Variants in SLC9A5 observed in about 807,000 individuals in gnomAD.
SLC9A5 encodes the protein solute carrier family 9 member A5.
In SLC9A5, 52 loss-of-function variants were observed where a neutral mutation model predicts 91.7. That is an observed-to-expected ratio of 0.57 (90% confidence interval 0.45 to 0.71). The LOEUF (loss-of-function observed/expected upper bound fraction) is 0.71, where lower values mean the gene tolerates loss of function less well. SLC9A5 is among the 30% of genes least tolerant of loss of function. The pLI is 0.00. For missense variants in SLC9A5, 871 were observed against 1,158.9 expected (o/e 0.75, Z 3.61); for synonymous variants, 419 against 474.5 (o/e 0.88, Z 1.52).
At position 67,248,995 on chromosome 16, in the gene SLC9A5, G is replaced by A; in HGVS notation, c.-20G>A. ...CCGGCGGCCGTGCGGTGCCGGGAGG[G>A]CGGCTGGGCAGGCGGCAGGATGCTG... On this transcript the variant is annotated 5_prime_UTR_variant, in exon 1 of 16. Coordinates refer to ENST00000299798, the MANE Select transcript of SLC9A5 (RefSeq NM_004594.3). The surrounding 1 kb of genome is among the most constrained non-coding windows in gnomAD (Gnocchi z 5.3). 2.4e-6 allele frequency: 3 copies of A among 1,246,210 alleles called. No homozygotes were observed. Among genetic ancestry groups the A allele is most frequent in the Non-Finnish European group, 3.0e-6 (3 of 993,464 alleles). The allele number at this position is 1,246,210 out of a possible 1,614,324, so 77.2% of individuals were successfully genotyped here. A position where few individuals can be genotyped will look rare whatever the true frequency, so the allele number is the denominator to read the frequency against.
intron 1 of SLC9A5, among the ~76,000 whole-genome samples, chr16:67,249,811 C>T (rs1034559672): frequency 6.6e-6 from 1 of 152,210 alleles, no homozygotes; most frequent in Non-Finnish European, 1.5e-5. Context: ...AAGAAACTTC[C>T]GTGTATCGGG....
Position 67,271,020 on chromosome 16 carries a change from A to G in SLC9A5, c.2501A>G (p.Asp834Gly), listed in dbSNP as rs2035901781. ...CAGGTCCCTCTCCACCTACCTTCTG[A>G]TCCACGCTCTAGCTTCGCCTTCCCA... ...EPQVPLHLPS[D>G]PRSSFAFPPS... is the part of the protein sequence containing the mutation. The change falls in exon 16 of 16, where the codon GAT (aspartate) becomes GGT (glycine). Residue 834 changes from aspartate (D) to glycine (G), a missense_variant. By Grantham distance (94) the Asp-to-Gly change is moderately conservative. This residue lies in a region of SLC9A5 where 295 missense variants were observed against 326.0 expected (regional missense o/e 0.90). Coordinates refer to ENST00000299798, the MANE Select transcript of SLC9A5 (RefSeq NM_004594.3). 1.9e-6 allele frequency: 3 copies of G among 1,613,348 alleles called. No individual in the cohort carries two copies. The highest frequency in any genetic ancestry group is 1.3e-5 in the African/African-American group (1 of 74,856).
Position 67,249,107 on chromosome 16 carries a change from C to G in SLC9A5, c.93C>G (p.Pro31=), listed in dbSNP as rs759221391. ...TQKPESPGEP[P]PGLELFRWQW... The stretch of plus-strand genomic sequence containing the variant: ...AGCCAGAGTCCCCGGGCGAGCCTCC[C>G]CCAGGCTTAGAGCTCTTCCGCTGGC... Residue 31 remains proline, a synonymous_variant, in exon 1 of 16, where the codon CCC becomes CCG. Coordinates refer to ENST00000299798, the MANE Select transcript of SLC9A5 (RefSeq NM_004594.3). 1.3e-6 allele frequency: 2 copies of G among 1,547,952 alleles called. No homozygotes were observed. Among genetic ancestry groups the G allele is most frequent in the Non-Finnish European group, 1.7e-6 (2 of 1,153,628 alleles).
chr16:67,270,247 G>C lies in SLC9A5; in HGVS notation c.2219-491G>C, dbSNP rs187950935. 6.6e-6 allele frequency among the ~76,000 whole-genome samples: 1 copy of C among 152,048 alleles called. No homozygotes were observed. The highest frequency in any genetic ancestry group is 1.5e-5 in the Non-Finnish European group (1 of 68,022). ...TTCACCCAGGCTGGAGTGCAGTGGC[G>C]AGATCTCGGCTCATTGCAACCTCTG... is the stretch of plus-strand genomic sequence containing the variant. On this transcript the variant is annotated intron_variant, in intron 15 of 15. Coordinates refer to ENST00000299798, the MANE Select transcript of SLC9A5 (RefSeq NM_004594.3). This position sits in a 1 kb window ranked among gnomAD's most constrained non-coding sequence, Gnocchi z 4.3.
At chr16:67,262,314 A>G in intron 12 of SLC9A5, 2 of 456,478 alleles carry the variant, frequency 4.4e-6, no homozygotes, top group South Asian at 3.1e-5. Context: ...CCAGTTCTGA[A>G]TCCACTTAGT....
chr16:67,271,522 T>G lies in SLC9A5; in HGVS notation c.*312T>G. 2.6e-6 allele frequency: 1 copy of G among 392,044 alleles called. No homozygotes were observed. The highest frequency in any genetic ancestry group is 4.7e-6 in the Non-Finnish European group (1 of 211,932). The allele number at this position is 392,044 out of a possible 1,614,324, so 24.3% of individuals were successfully genotyped here. On this transcript the variant is annotated 3_prime_UTR_variant, in exon 16 of 16. Transcript: ENST00000299798. ...GCTGGTCCCCCTTCCCTAGTGGGTT[T>G]TCCCGGGGACTCTATAGGCAGCTGC...
intron 15 of SLC9A5, 92 bp downstream of exon 15, chr16:67,266,317 C>G: frequency 7.9e-7 from 1 of 1,270,072 alleles, no homozygotes; most frequent in South Asian, 1.7e-5. Flanking sequence ...ACTCCCTTTT[C>G]CTATTCACTA....
At chr16:67,261,971 A>G (rs59759923) in intron 12 of SLC9A5, 5 of 211,214 alleles carry the variant, frequency 2.4e-5, no homozygotes, top group Non-Finnish European at 3.7e-5. Context: ...TGTGGTGTTT[A>G]TGTATAAGAT....
rs2035272696 is a variant in SLC9A5 at position 67,255,347 on chromosome 16, G to A, written c.655-46G>A. 1.3e-6 allele frequency: 2 copies of A among 1,576,932 alleles called. No individual in the cohort carries two copies. The highest frequency in any genetic ancestry group is 4.5e-5 in the East Asian group (2 of 44,372). On this transcript the variant is annotated intron_variant, in intron 3 of 15. Coordinates refer to ENST00000299798, the MANE Select transcript of SLC9A5 (RefSeq NM_004594.3). The surrounding 1 kb of genome is among the most constrained non-coding windows in gnomAD (Gnocchi z 4.9). ...AGCAGTCTGTCTCCCAGCAGTCCCA[G>A]TTGCTGCCTTCCCGCCTCACTGCTG...
At position 67,258,085 on chromosome 16, in the gene SLC9A5, C is replaced by T. The variant is rs1326403503; in HGVS notation, c.1497-233C>T. Among the ~76,000 whole-genome samples, 3 of 152,228 alleles carry T rather than the reference C, an allele frequency of 2.0e-5. No individual in the cohort carries two copies. The highest frequency in any genetic ancestry group is 2.0e-4 in the Admixed American group (3 of 15,286). On this transcript the variant is annotated intron_variant, in intron 9 of 15. Transcript: ENST00000299798. The surrounding 1 kb of genome is among the most constrained non-coding windows in gnomAD (Gnocchi z 4.5). ...TATTCTCTAATTATCCTTTGTAGTT[C>T]TTGTCATGGTTGCAATTTTACAGTG...
chr16:67,256,911 G>T lies in SLC9A5; in HGVS notation c.1133G>T (p.Gly378Val). The change falls in exon 7 of 16, where the codon GGC becomes GTC. Residue 378 changes from glycine to valine, a missense_variant and splice_region_variant. Coordinates refer to ENST00000299798, the MANE Select transcript of SLC9A5 (RefSeq NM_004594.3). This position sits in a 1 kb window ranked among gnomAD's most constrained non-coding sequence, Gnocchi z 4.1. ...LIFILFFRAL[G>V]VVLQTWVLNQ... ...CCCACTGGCCTCCCTCCCGCTGTAGGCGTAGTCCTGCAGACCTGGGTGCTG... is the reference window on the plus strand; with the variant it reads ...CCCACTGGCCTCCCTCCCGCTGTAGTCGTAGTCCTGCAGACCTGGGTGCTG... 6.2e-7 allele frequency: 1 copy of T among 1,613,604 alleles called. No individual in the cohort carries two copies. Among genetic ancestry groups the T allele is most frequent in the Non-Finnish European group, 8.5e-7 (1 of 1,179,982 alleles).
intron 14 of SLC9A5, 113 bp from the exon 15 acceptor site, chr16:67,265,975 T>C: frequency 1.4e-6 from 2 of 1,390,804 alleles, no homozygotes; most frequent in Non-Finnish European, 1.9e-6. Context: ...AAAGCAAGTG[T>C]CTCTGCCAAC....
intron 15 of SLC9A5, among the ~76,000 whole-genome samples, chr16:67,269,429 C>T (rs1265961762): frequency 6.6e-6 from 1 of 152,054 alleles, no homozygotes; most frequent in Non-Finnish European, 1.5e-5. Context: ...AAGACTCCAT[C>T]TCAAACAAAC....
intron 14 of SLC9A5, 130 bp downstream of exon 14, chr16:67,265,236 G>C: frequency 1.3e-6 from 1 of 782,886 alleles, no homozygotes; most frequent in Admixed American, 2.5e-5. Context: ...TTCCTCCAGG[G>C]ACTTGATTTC....
intron 12 of SLC9A5, 129 bp from the exon 13 acceptor site, chr16:67,264,223 A>T: frequency 1.3e-6 from 1 of 745,024 alleles, no homozygotes; most frequent in Non-Finnish European, 2.2e-6. Context: ...TTTGTTTTTC[A>T]ATCCATTGTT....
At chr16:67,266,494 C>T (rs2035709065) in intron 15 of SLC9A5, among the ~76,000 whole-genome samples, 1 of 152,162 alleles carries the variant, frequency 6.6e-6, no homozygotes, top group Non-Finnish European at 1.5e-5. Context: ...TTGAACCTGA[C>T]TCATCTGACT....
At chr16:67,250,056 G>C (rs1038876074) in intron 1 of SLC9A5, among the ~76,000 whole-genome samples, 3 of 152,056 alleles carry the variant, frequency 2.0e-5, no homozygotes, top group Non-Finnish European at 2.9e-5. Context: ...ATAGCTGAGC[G>C]TTGCTACTCT....
Position 67,255,191 on chromosome 16 carries a change from G to A in SLC9A5, c.654+7G>A, listed in dbSNP as rs368137214. The A allele has an allele frequency of 1.6e-5, 25 of 1,610,934 alleles. 1 individual carries two copies. In the Middle Eastern group the frequency reaches 4.9e-4, roughly 32 times the overall value. The stretch of plus-strand genomic sequence containing the variant: ...CAACGATGCTGTCACCGTGGTGAGC[G>A]TGCTCAGCTGACTGCCATTCCCTGA... On this transcript the variant is annotated splice_region_variant and intron_variant, in intron 3 of 15. Transcript: ENST00000299798. This position sits in a 1 kb window ranked among gnomAD's most constrained non-coding sequence, Gnocchi z 4.9.
intron 12 of SLC9A5, chr16:67,261,651 T>A (rs1044022602): frequency 6.6e-6 from 1 of 152,266 alleles, no homozygotes; most frequent in African/African-American, 2.4e-5. Context: ...TTGGGAAATA[T>A]GTCTCTTCAT....
Sources: allele counts gnomAD v4.1 joint callset (sites outside exome capture counted in the v4.1 genomes callset), GRCh38; gene constraint gnomAD v4.1.1; regional missense constraint gnomAD v4.1.1; non-coding constraint Gnocchi (gnomAD v3.1); transcripts MANE v1.5; gene names NCBI Gene and HGNC (gene_info 2026-07-23, HGNC 2026-07-21).